Variants in ZNF813 observed in about 807,000 individuals in gnomAD.
ZNF813 encodes the protein zinc finger protein 813.
ZNF813 carries 3 observed loss-of-function variants against 7.2 expected under a neutral mutation model. That is an observed-to-expected ratio of 0.42 (90% confidence interval 0.19 to 1.08). The LOEUF is 1.08. ZNF813 is among the 50% of genes least tolerant of loss of function. The pLI is 0.30. For missense variants in ZNF813, 714 were observed against 753.3 expected, an observed-to-expected ratio of 0.95 and a Z score of 0.61; for synonymous variants, 227 against 256.3, an observed-to-expected ratio of 0.89 and a Z score of 1.09.
At chr19:53,469,884 A>G (rs1418429173) in intron 1 of ZNF813, among the ~76,000 whole-genome samples, 3 of 151,930 alleles carry the variant, frequency 2.0e-5, no homozygotes, top group Non-Finnish European at 2.9e-5. Context: ...TGAGGACTAG[A>G]GAGACTGCTA....
intron 1 of ZNF813, among the ~76,000 whole-genome samples, chr19:53,473,530 GGT>G (rs1207994373): frequency 6.6e-6 from 1 of 152,208 alleles, no homozygotes; most frequent in African/African-American, 2.4e-5. Context: ...AGCTGACTGT[GGT>G]GGATCTACGG....
At position 53,493,646 on chromosome 19, in the gene ZNF813, T is replaced by G. The variant is rs191646935; in HGVS notation, c.*1560T>G. ...CTAATTTTTGGTGCTGATATTGTACTGTGCAGATACACTGAATCTGTTTAT... is the reference window on the plus strand; with the variant it reads ...CTAATTTTTGGTGCTGATATTGTACGGTGCAGATACACTGAATCTGTTTAT... On this transcript the variant is annotated 3_prime_UTR_variant, in exon 4 of 4. Coordinates refer to ENST00000396403, the MANE Select transcript of ZNF813 (RefSeq NM_001004301.4). The G allele has an allele frequency of 6.6e-6, 1 of 152,422 alleles. No individual in the cohort carries two copies. The highest frequency in any genetic ancestry group is 6.5e-5 in the Admixed American group (1 of 15,304). The allele number at this position is 152,422 out of a possible 1,614,324, so 9.4% of individuals were successfully genotyped here. A position where few individuals can be genotyped will look rare whatever the true frequency, so the allele number is the denominator to read the frequency against.
chr19:53,485,427 C>T (rs2086427431), intron 2 of ZNF813, among the ~76,000 whole-genome samples: 4 of 152,298 alleles, frequency 2.6e-5, no homozygotes, highest in Middle Eastern at 6.8e-3. Flanking sequence ...CATATACACA[C>T]ACACAAATGT....
chr19:53,469,481 T>G, intron 1 of ZNF813, among the ~76,000 whole-genome samples: 1 of 151,910 alleles, frequency 6.6e-6, no homozygotes, highest in African/African-American at 2.4e-5. Context: ...AAGAAAAGAA[T>G]GAGAAAGACT....
rs1236294065 is a variant in ZNF813 at position 53,493,776 on chromosome 19, G to A, written c.*1690G>A. 6.6e-6 allele frequency: 1 copy of A among 152,130 alleles called. No individual in the cohort carries two copies. Among genetic ancestry groups the A allele is most frequent in the African/African-American group, 2.4e-5 (1 of 41,426 alleles). The allele number at this position is 152,130 out of a possible 1,614,324, so 9.4% of individuals were successfully genotyped here. ...ACTTCTTTCTTTCTGATTTGGATGG[G>A]TTTGATTTCTTTTGCTATTTCATTG... On this transcript the variant is annotated 3_prime_UTR_variant, in exon 4 of 4. Transcript: ENST00000396403.
chr19:53,477,154 T>C (rs557001133), intron 1 of ZNF813, among the ~76,000 whole-genome samples: 2 of 152,302 alleles, frequency 1.3e-5, no homozygotes, highest in East Asian at 3.9e-4. Flanking sequence ...TGGGTACCAC[T>C]GGATGGATAG....
chr19:53,490,123 C>CT (rs2086451985), intron 3 of ZNF813, among the ~76,000 whole-genome samples: 1 of 152,130 alleles, frequency 6.6e-6, no homozygotes, highest in Non-Finnish European at 1.5e-5. Context: ...ATACTCCTTA[C>CT]TTTAGGCTTA....
chr19:53,484,287 C>T (rs1462624803), intron 2 of ZNF813, among the ~76,000 whole-genome samples: 1 of 152,138 alleles, frequency 6.6e-6, no homozygotes, highest in East Asian at 1.9e-4. Flanking sequence ...TTTTATAGTA[C>T]ATTTTTAGTT....
chr19:53,491,520 C>G lies in ZNF813; in HGVS notation c.1288C>G (p.His430Asp). The G allele has an allele frequency of 6.2e-7, 1 of 1,613,788 alleles. No homozygotes were observed. Among genetic ancestry groups the G allele is most frequent in the Admixed American group, 1.7e-5 (1 of 60,000 alleles). Residue 430 changes from histidine (H) to aspartate (D), a missense_variant, in exon 4 of 4, where the codon CAT (histidine) becomes GAT (aspartate). Around this residue, in one of 3 missense-constraint regions of ZNF813, gnomAD observed 563 missense variants for 554.2 expected, o/e 1.02. Coordinates refer to ENST00000396403, the MANE Select transcript of ZNF813 (RefSeq NM_001004301.4). The part of the protein sequence containing the change: ...FNKKANLARH[H>D]RLHSGEKPYK... ...TAAAAAGGCAAACCTTGCACGTCAT[C>G]ATAGACTTCATAGTGGAGAGAAACC...
At chr19:53,480,364 TAA>T (rs35502614) in intron 1 of ZNF813, among the ~76,000 whole-genome samples, 29,355 of 142,084 alleles carry the variant, frequency 0.21, 2,988 homozygotes, top group Middle Eastern at 0.28. Context: ...TGTTGTGATG[TAA>T]AAAAAAAAAA....
At chr19:53,475,160 T>C (rs962902924) in intron 1 of ZNF813, among the ~76,000 whole-genome samples, 3 of 152,222 alleles carry the variant, frequency 2.0e-5, no homozygotes, top group Admixed American at 1.3e-4. Flanking sequence ...TATAGTTCCA[T>C]GTACATGCAA....
At chr19:53,469,672 T>C (rs954299512) in intron 1 of ZNF813, among the ~76,000 whole-genome samples, 2 of 150,970 alleles carry the variant, frequency 1.3e-5, no homozygotes, top group Non-Finnish European at 2.9e-5. Flanking sequence ...GGGAGGCTCA[T>C]CAGGGTGAGG....
Position 53,490,054 on chromosome 19 carries a change from G to C in ZNF813, c.143-321G>C, listed in dbSNP as rs76213387. 9.9e-3 allele frequency among the ~76,000 whole-genome samples: 1,514 copies of C among 152,188 alleles called. 19 individuals are homozygous for C. The highest frequency in any genetic ancestry group is 0.017 in the Non-Finnish European group (1,151 of 68,016). Reference sequence around the variant, plus strand: ...ATATGAAGAATATATACTTTTCATTGGTGTGACGGTGATATGTTTTTTGCA... The same window carrying C: ...ATATGAAGAATATATACTTTTCATTCGTGTGACGGTGATATGTTTTTTGCA... On this transcript the variant is annotated intron_variant, in intron 3 of 3. Coordinates refer to ENST00000396403, the MANE Select transcript of ZNF813 (RefSeq NM_001004301.4).
chr19:53,469,437 G>A (rs183312992), intron 1 of ZNF813, among the ~76,000 whole-genome samples: 2 of 152,160 alleles, frequency 1.3e-5, no homozygotes, highest in East Asian at 3.9e-4. Flanking sequence ...TGGGCTAAAG[G>A]GATCAGGAGA....
At position 53,492,857 on chromosome 19, in the gene ZNF813, A is replaced by G. The variant is rs2086470338; in HGVS notation, c.*771A>G. The G allele has an allele frequency of 6.3e-6, 3 of 474,384 alleles. No homozygotes were observed. The allele number at this position is 474,384 out of a possible 1,614,324, so 29.4% of individuals were successfully genotyped here. On this transcript the variant is annotated 3_prime_UTR_variant, in exon 4 of 4. Transcript: ENST00000396403. ...TCCTATGCAAAACATAGGAGAATTC[A>G]TACAGGAGAGAAACCTCACGTGTGA... is the stretch of plus-strand genomic sequence containing the variant.
chr19:53,486,727 G>A lies in ZNF813; in HGVS notation c.111G>A (p.Met37Ile), dbSNP rs373518314. ...AGAGGACTCTATACAGGGACGTGAT[G>A]CTGGAGAATTATAGGAACCTGGTCT... ...PAQRTLYRDV[M>I]LENYRNLVSL... is the part of the protein sequence containing the mutation. The change falls in exon 3 of 4, where the codon ATG becomes ATA. Residue 37 changes from methionine (M) to isoleucine (I), a missense_variant. This residue lies in a region of ZNF813 where 29 missense variants were observed against 52.3 expected (regional missense o/e 0.55). Transcript: ENST00000396403. 2 of 1,614,056 alleles carry A rather than the reference G, an allele frequency of 1.2e-6. No homozygotes were observed. The highest frequency in any genetic ancestry group is 8.5e-7 in the Non-Finnish European group (1 of 1,179,950).
chr19:53,479,296 A>G, intron 1 of ZNF813: 3 of 1,543,124 alleles, frequency 1.9e-6, no homozygotes, highest in South Asian at 2.3e-5. Context: ...GGAGGCTGCA[A>G]TGCCGAATGG....
Position 53,494,341 on chromosome 19 carries a change from A to G in ZNF813, c.*2255A>G, listed in dbSNP as rs1470077350. The G allele has an allele frequency of 6.6e-6, 1 of 152,188 alleles. No homozygotes were observed. The highest frequency in any genetic ancestry group is 6.5e-5 in the Admixed American group (1 of 15,272). 9.4% of individuals were successfully genotyped at this position (152,188 alleles called of 1,614,324 possible). On this transcript the variant is annotated 3_prime_UTR_variant, in exon 4 of 4. Transcript: ENST00000396403. The stretch of plus-strand genomic sequence containing the variant: ...GAGGCACCCAGAAGGATAAGACATG[A>G]GTTTTAAAAGAGACTTTCTCTGCCG...
intron 1 of ZNF813, among the ~76,000 whole-genome samples, chr19:53,470,165 T>TCCTTCC (rs1568825776): frequency 1.2e-4 from 8 of 68,654 alleles, no homozygotes; most frequent in Non-Finnish European, 1.5e-4. Context: ...TTCTTTTTCT[T>TCCTTCC]TTCTTTTCTT....
Sources: gnomAD v4.1 joint callset for allele counts (sites outside exome capture counted in the v4.1 genomes callset) on GRCh38, gnomAD v4.1.1 for gene constraint, gnomAD v4.1.1 regional missense constraint, MANE v1.5 for transcripts, NCBI Gene and HGNC (gene_info 2026-07-23, HGNC 2026-07-21) for gene names.